Variants in ARHGAP6 observed in about 807,000 individuals in gnomAD.
The protein encoded by ARHGAP6 is Rho GTPase activating protein 6.
A neutral mutation model predicts 55.7 loss-of-function variants in ARHGAP6; 16 were observed. The ratio of observed to expected loss-of-function variants is 0.29; its 90% confidence interval spans 0.19 to 0.44. The LOEUF is 0.44. Ranked by LOEUF, ARHGAP6 falls within the 20% of genes least tolerant of loss-of-function variation. The probability of loss-of-function intolerance (pLI) is 1.00; values close to 1 mark genes in which losing one functional copy is unlikely to be tolerated. For synonymous variants in ARHGAP6, 382 were observed against 360.9 expected (o/e 1.06, Z -0.66); for missense variants, 698 against 808.9 (o/e 0.86, Z 1.66).
chrX:11,569,028 GAATT>G (rs937751949), intron 1 of ARHGAP6, among the ~76,000 whole-genome samples: 2 of 111,987 alleles, frequency 1.8e-5, no homozygotes, highest in African/African-American at 6.5e-5. Flanking sequence ...ATTAATTAAT[GAATT>G]GTTTTGTACA....
At chrX:11,542,742 T>C (rs1462664748) in intron 1 of ARHGAP6, among the ~76,000 whole-genome samples, 1 of 111,078 alleles carries the variant, frequency 9.0e-6, no homozygotes. Context: ...TAAAAATGGG[T>C]TTATTTATTC....
At chrX:11,571,544 C>T (rs2051517061) in intron 1 of ARHGAP6, among the ~76,000 whole-genome samples, 1 of 109,307 alleles carries the variant, frequency 9.1e-6, no homozygotes, top group African/African-American at 3.3e-5. Flanking sequence ...TCTGGGTGGG[C>T]CTGCTCTAAT....
chrX:11,439,039 G>A (rs2050015746), intron 1 of ARHGAP6, among the ~76,000 whole-genome samples: 1 of 112,404 alleles, frequency 8.9e-6, no homozygotes, highest in Non-Finnish European at 1.9e-5. Context: ...CTTAATAAAT[G>A]CATGATGACA....
At chrX:11,433,291 C>A (rs2049957849) in intron 1 of ARHGAP6, among the ~76,000 whole-genome samples, 1 of 112,043 alleles carries the variant, frequency 8.9e-6, no homozygotes, top group African/African-American at 3.2e-5. Context: ...GGAAAGAAAA[C>A]AAGTGAGGAA....
At chrX:11,483,634 A>G (rs2050480894) in intron 1 of ARHGAP6, among the ~76,000 whole-genome samples, 1 of 105,210 alleles carries the variant, frequency 9.5e-6, no homozygotes, top group Non-Finnish European at 2.0e-5. Context: ...GCTCTGTGAG[A>G]TAATCAAATG....
chrX:11,236,020 G>A (rs779845256), intron 2 of ARHGAP6, among the ~76,000 whole-genome samples: 6 of 111,776 alleles, frequency 5.4e-5, no homozygotes, highest in Admixed American at 1.9e-4. Flanking sequence ...AGTTGCTTCC[G>A]CATTTTCGGG....
At chrX:11,457,207 T>C (rs752195136) in intron 1 of ARHGAP6, among the ~76,000 whole-genome samples, 1 of 111,399 alleles carries the variant, frequency 9.0e-6, no homozygotes, top group South Asian at 3.8e-4. Flanking sequence ...GACACCTGAG[T>C]CCAAGATCAA....
rs2051424359 is a variant in ARHGAP6 at position 11,564,727 on chromosome X, G to A, written c.588+99514C>T. On this transcript the variant is annotated intron_variant, in intron 1 of 12. Transcript: ENST00000337414. The stretch of plus-strand genomic sequence containing the variant: ...TTAGGTCAATTTCATGGATGCCTCA[G>A]CCTTTCAGTCTTGTATCTAGGCCAA... Among the ~76,000 whole-genome samples the A allele has an allele frequency of 3.6e-5, 4 of 111,721 alleles. No homozygotes were observed. The South Asian group carries it at 1.5e-3, about 42-fold the overall frequency.
intron 1 of ARHGAP6, among the ~76,000 whole-genome samples, chrX:11,607,450 G>A (rs2052048690): frequency 8.9e-6 from 1 of 112,057 alleles, no homozygotes; most frequent in African/African-American, 3.2e-5. Context: ...CAGCACAATA[G>A]TTGATTCCAT....
intron 1 of ARHGAP6, among the ~76,000 whole-genome samples, chrX:11,648,086 G>A (rs1317508501): frequency 8.9e-6 from 1 of 112,087 alleles, no homozygotes; most frequent in Admixed American, 9.5e-5. Flanking sequence ...AAGTTCTGAT[G>A]TTCTATTGTA....
intron 1 of ARHGAP6, among the ~76,000 whole-genome samples, chrX:11,588,998 G>A (rs1035179588): frequency 2.1e-4 from 23 of 110,045 alleles, no homozygotes; most frequent in African/African-American, 7.6e-4. Context: ...TCTATTGTCA[G>A]TATCTGTATG....
chrX:11,163,935 G>C (rs912628665), intron 9 of ARHGAP6, among the ~76,000 whole-genome samples: 1 of 110,193 alleles, frequency 9.1e-6, no homozygotes, highest in East Asian at 2.8e-4. Flanking sequence ...GAGTGGGAAA[G>C]GTTCAGGCAT....
rs1166892245 is a variant in ARHGAP6 at position 11,233,295 on chromosome X, C to T, written c.748+21253G>A. 3.6e-5 allele frequency among the ~76,000 whole-genome samples: 4 copies of T among 112,077 alleles called. No homozygotes were observed. The South Asian group carries it at 1.1e-3, about 31-fold the overall frequency. ...CTATTTTAAGGAGTGAAGTTCACCC[C>T]GCCATTTGCCTACTTGCCTCAGTAC... On this transcript the variant is annotated intron_variant, in intron 2 of 12. Transcript: ENST00000337414.
chrX:11,660,016 A>G (rs1441137105), intron 1 of ARHGAP6, among the ~76,000 whole-genome samples: 1 of 112,072 alleles, frequency 8.9e-6, no homozygotes, highest in African/African-American at 3.2e-5. Context: ...CTCCAGGTTA[A>G]GAATCACTGC....
chrX:11,614,799 C>G (rs904365345), intron 1 of ARHGAP6, among the ~76,000 whole-genome samples: 1 of 111,868 alleles, frequency 8.9e-6, no homozygotes, highest in Non-Finnish European at 1.9e-5. Context: ...GCGAAGAAAA[C>G]GTATTATTTT....
In ARHGAP6 at chrX:11,344,968, T is replaced by C. The variant is rs527679837; in HGVS notation, c.589-90261A>G. ...CATTTATACCACAAGGCAATTAGTA[T>C]GTTAAAGGCAGCAGAGAAAAATAAT... On this transcript the variant is annotated intron_variant, in intron 1 of 12. Coordinates refer to ENST00000337414, the MANE Select transcript of ARHGAP6 (RefSeq NM_013427.3). 3.6e-5 allele frequency among the ~76,000 whole-genome samples: 4 copies of C among 112,225 alleles called. No individual in the cohort carries two copies. In the South Asian group the frequency reaches 1.1e-3, roughly 31 times the overall value.
intron 8 of ARHGAP6, 62 bp downstream of exon 8, chrX:11,178,038 A>G: frequency 8.4e-7 from 1 of 1,191,832 alleles, no homozygotes; most frequent in East Asian, 3.0e-5. Context: ...TTTTGGTGGT[A>G]TGCCCTTTTA....
At chrX:11,170,761 C>T (rs778241640) in intron 8 of ARHGAP6, among the ~76,000 whole-genome samples, 1 of 111,235 alleles carries the variant, frequency 9.0e-6, no homozygotes, top group East Asian at 2.8e-4. Context: ...AATGGAAGGA[C>T]AGTTAAGTGA....
At chrX:11,647,375 A>G (rs2052541210) in intron 1 of ARHGAP6, among the ~76,000 whole-genome samples, 1 of 112,397 alleles carries the variant, frequency 8.9e-6, no homozygotes, top group South Asian at 3.7e-4. Flanking sequence ...GAGTATTTTC[A>G]TCTTGGATTT....
Sources: allele counts gnomAD v4.1 joint callset (sites outside exome capture counted in the v4.1 genomes callset), GRCh38; gene constraint gnomAD v4.1.1; transcripts MANE v1.5; gene names NCBI Gene and HGNC (gene_info 2026-07-23, HGNC 2026-07-21).